Variants in ARHGAP12 observed in about 807,000 individuals in gnomAD.
ARHGAP12 encodes the protein Rho GTPase activating protein 12.
A neutral mutation model predicts 108.6 loss-of-function variants in ARHGAP12; 64 were observed. The observed-to-expected ratio is 0.59, with a 90% CI of 0.48 to 0.73. The LOEUF is 0.73. Among genes scored for constraint, ARHGAP12 ranks in the 30% least tolerant of loss-of-function variants. The probability of loss-of-function intolerance (pLI) is 0.00; values close to 1 mark genes in which losing one functional copy is unlikely to be tolerated. For synonymous variants in ARHGAP12, 312 were observed against 337.2 expected, an observed-to-expected ratio of 0.93 and a Z score of 0.82; for missense variants, 940 against 1,005.9, an observed-to-expected ratio of 0.93 and a Z score of 0.89.
At chr10:31,922,402 A>ATT (rs376445093) in intron 1 of ARHGAP12, among the ~76,000 whole-genome samples, 1,938 of 142,444 alleles carry the variant, frequency 0.014, 44 homozygotes, top group African/African-American at 0.047. Flanking sequence ...AAGTAGACAA[A>ATT]TTTTTTTTTT....
intron 6 of ARHGAP12, among the ~76,000 whole-genome samples, chr10:31,851,292 T>G (rs752047294): frequency 5.3e-4 from 81 of 152,170 alleles, no homozygotes; most frequent in Middle Eastern, 3.2e-3. Context: ...AGTAAGAACC[T>G]ACGTAAAATG....
chr10:31,817,595 C>T (rs537410990), intron 13 of ARHGAP12, among the ~76,000 whole-genome samples, 193 bp downstream of exon 13: 2 of 152,244 alleles, frequency 1.3e-5, no homozygotes, highest in Non-Finnish European at 2.9e-5. Context: ...GCAAACATCA[C>T]ATAAGTGAGA....
intron 3 of ARHGAP12, among the ~76,000 whole-genome samples, chr10:31,892,718 T>G (rs1375465043): frequency 6.6e-6 from 1 of 152,082 alleles, no homozygotes; most frequent in Non-Finnish European, 1.5e-5. Flanking sequence ...AACAAGCATA[T>G]CCAGGAATTG....
Position 31,923,046 on chromosome 10 carries a change from G to C in ARHGAP12, c.-111+5637C>G, listed in dbSNP as rs1839882834. Among the ~76,000 whole-genome samples the C allele has an allele frequency of 3.4e-5, 5 of 148,532 alleles. No homozygotes were observed. The Admixed American group carries it at 3.4e-4, about 10-fold the overall frequency. Reference sequence around the variant, plus strand: ...CTTGGGAGGCTAAAGTGGGAAGCCTGTTTGAGCCTGGGAGTTCGCGACTGC... The same window carrying C: ...CTTGGGAGGCTAAAGTGGGAAGCCTCTTTGAGCCTGGGAGTTCGCGACTGC... On this transcript the variant is annotated intron_variant, in intron 1 of 19. Transcript: ENST00000344936.
intron 3 of ARHGAP12, among the ~76,000 whole-genome samples, chr10:31,904,814 A>G (rs920701709): frequency 6.6e-6 from 1 of 151,870 alleles, no homozygotes; most frequent in Admixed American, 6.6e-5. Flanking sequence ...TTTTGTGGAG[A>G]TGGAGTTTCG....
intron 9 of ARHGAP12, among the ~76,000 whole-genome samples, chr10:31,832,973 G>A (rs924043390): frequency 3.9e-5 from 6 of 151,930 alleles, no homozygotes; most frequent in African/African-American, 1.5e-4. Flanking sequence ...CCTTAGATAC[G>A]CAAGTTTGAT....
chr10:31,906,120 T>G (rs867159548), intron 3 of ARHGAP12, among the ~76,000 whole-genome samples: 2 of 152,120 alleles, frequency 1.3e-5, no homozygotes, highest in Non-Finnish European at 2.9e-5. Flanking sequence ...CAAGCAGCCA[T>G]GAAGAGGCCC....
At chr10:31,893,171 T>A (rs1039645800) in intron 3 of ARHGAP12, among the ~76,000 whole-genome samples, 6 of 152,254 alleles carry the variant, frequency 3.9e-5, no homozygotes, top group African/African-American at 1.4e-4. Flanking sequence ...ATTGACACCC[T>A]AACATCACAA....
In ARHGAP12 at chr10:31,928,247, T is replaced by C. The variant is rs569052481; in HGVS notation, c.-111+436A>G. 3.4e-4 allele frequency among the ~76,000 whole-genome samples: 51 copies of C among 147,882 alleles called. No individual in the cohort carries two copies. In the South Asian group the frequency reaches 4.1e-3, roughly 12 times the overall value. On this transcript the variant is annotated intron_variant, in intron 1 of 19. Transcript: ENST00000344936. ...CGCGCACACACCCGCCTTTTGCACA[T>C]AGACACGCACACACCCGCCTTGTGC...
At chr10:31,884,994 T>C (rs1406552511) in intron 3 of ARHGAP12, among the ~76,000 whole-genome samples, 1 of 152,214 alleles carries the variant, frequency 6.6e-6, no homozygotes, top group East Asian at 1.9e-4. Context: ...TGTATATTTA[T>C]AGAGTACATG....
intron 3 of ARHGAP12, among the ~76,000 whole-genome samples, chr10:31,899,310 T>C (rs990753071): frequency 2.6e-5 from 4 of 152,246 alleles, no homozygotes; most frequent in Non-Finnish European, 5.9e-5. Context: ...GTCAATTCTT[T>C]CCAGTTTGAT....
chr10:31,835,059 C>G (rs1835961489), intron 9 of ARHGAP12, among the ~76,000 whole-genome samples: 1 of 151,988 alleles, frequency 6.6e-6, no homozygotes, highest in South Asian at 2.1e-4. Flanking sequence ...ATCAGCTGGG[C>G]ATGGTGGCAG....
chr10:31,925,845 A>G (rs1840012467), intron 1 of ARHGAP12, among the ~76,000 whole-genome samples: 1 of 152,256 alleles, frequency 6.6e-6, no homozygotes, highest in Non-Finnish European at 1.5e-5. Context: ...AACACACTTG[A>G]TATTTCAAAA....
chr10:31,927,800 T>C (rs1431792921), intron 1 of ARHGAP12, among the ~76,000 whole-genome samples: 1 of 152,240 alleles, frequency 6.6e-6, no homozygotes, highest in African/African-American at 2.4e-5. Flanking sequence ...GAAGACCGTG[T>C]GGCCATTTCT....
intron 3 of ARHGAP12, among the ~76,000 whole-genome samples, chr10:31,869,343 C>G (rs1837452765): frequency 6.6e-6 from 1 of 152,118 alleles, no homozygotes; most frequent in East Asian, 1.9e-4. Flanking sequence ...TCAAGAGTAG[C>G]CTGGCCAACA....
intron 3 of ARHGAP12, among the ~76,000 whole-genome samples, chr10:31,879,699 G>A (rs772537307): frequency 6.6e-6 from 1 of 152,000 alleles, no homozygotes; most frequent in Non-Finnish European, 1.5e-5. Flanking sequence ...CTTGGCTCTA[G>A]TATTTTAAAA....
chr10:31,836,932 T>C (rs547261354), intron 9 of ARHGAP12, among the ~76,000 whole-genome samples: 49 of 152,202 alleles, frequency 3.2e-4, no homozygotes, highest in African/African-American at 1.1e-3. Context: ...GGTTTGTTTT[T>C]TTCACCTAAA....
At chr10:31,811,803 G>C (rs1028780178) in intron 15 of ARHGAP12, among the ~76,000 whole-genome samples, 1 of 151,986 alleles carries the variant, frequency 6.6e-6, no homozygotes, top group Non-Finnish European at 1.5e-5. Context: ...TAAGTAGCTA[G>C]GACTACAGGT....
intron 3 of ARHGAP12, among the ~76,000 whole-genome samples, chr10:31,889,619 GTTTTTTTTTTTTTT>G (rs869116452): frequency 1.5e-5 from 1 of 66,420 alleles, no homozygotes; most frequent in Non-Finnish European, 2.6e-5. Context: ...AATTTTTCTC[GTTTTTTTTTTTTTT>G]TTTTTTTTTT....
Sources: allele counts gnomAD v4.1 joint callset (sites outside exome capture counted in the v4.1 genomes callset), GRCh38; gene constraint gnomAD v4.1.1; transcripts MANE v1.5; gene names NCBI Gene and HGNC (gene_info 2026-07-23, HGNC 2026-07-21).